Variants in LRRC72 observed in about 807,000 individuals in gnomAD.
LRRC72 encodes the protein leucine-rich repeat-containing protein 72.
A neutral mutation model predicts 35.8 loss-of-function variants in LRRC72; 41 were observed. The observed-to-expected ratio is 1.15, with a 90% CI of 0.89 to 1.49. The LOEUF is 1.49. Among genes scored for constraint, LRRC72 ranks in the 40% most tolerant of loss-of-function variants. The pLI, the probability that LRRC72 is intolerant of heterozygous loss-of-function variation, is 0.00. For synonymous variants in LRRC72, 118 were observed against 119.2 expected (o/e 0.99, Z 0.07); for missense variants, 389 against 330.7 (o/e 1.18, Z -1.37).
At chr7:16,527,292 G>A (rs889177886) in intron 1 of LRRC72, among the ~76,000 whole-genome samples, 1 of 152,172 alleles carries the variant, frequency 6.6e-6, no homozygotes, top group Non-Finnish European at 1.5e-5. Flanking sequence ...CTGGGCTAGA[G>A]GTCCTAATCC....
chr7:16,576,777 ATTTCC>A (rs1783048357), intron 7 of LRRC72, among the ~76,000 whole-genome samples: 1 of 152,182 alleles, frequency 6.6e-6, no homozygotes. Context: ...AAGCTGCCAG[ATTTCC>A]ACCATGTTTG....
chr7:16,556,881 G>A (rs528603158), intron 3 of LRRC72, among the ~76,000 whole-genome samples: 2 of 152,116 alleles, frequency 1.3e-5, no homozygotes, highest in Non-Finnish European at 2.9e-5. Context: ...AAATAATTTC[G>A]AGTGTACCAA....
At chr7:16,564,129 T>A (rs1163694000) in intron 5 of LRRC72, among the ~76,000 whole-genome samples, 2 of 152,200 alleles carry the variant, frequency 1.3e-5, no homozygotes, top group Non-Finnish European at 2.9e-5. Flanking sequence ...AAGATGTTGG[T>A]ATATTTTCCA....
chr7:16,541,115 G>C (rs1782349122), intron 3 of LRRC72, among the ~76,000 whole-genome samples: 1 of 152,114 alleles, frequency 6.6e-6, no homozygotes, highest in African/African-American at 2.4e-5. Flanking sequence ...TGGAATCAAA[G>C]CTTTATCCAA....
intron 7 of LRRC72, among the ~76,000 whole-genome samples, chr7:16,576,951 G>A (rs1480610446): frequency 6.6e-6 from 1 of 152,192 alleles, no homozygotes; most frequent in African/African-American, 2.4e-5. Flanking sequence ...ACCAAAGAGT[G>A]CACCAGTACA....
At chr7:16,535,268 T>C (rs1336043316) in intron 2 of LRRC72, among the ~76,000 whole-genome samples, 2 of 152,146 alleles carry the variant, frequency 1.3e-5, no homozygotes, top group East Asian at 3.9e-4. Flanking sequence ...TAATGGTACA[T>C]ATCAAAGAGA....
chr7:16,553,108 G>T (rs545649596), intron 3 of LRRC72, among the ~76,000 whole-genome samples: 1 of 151,962 alleles, frequency 6.6e-6, no homozygotes, highest in Non-Finnish European at 1.5e-5. Flanking sequence ...AAAATTTTTG[G>T]ATGCATTTTA....
intron 5 of LRRC72, among the ~76,000 whole-genome samples, chr7:16,559,763 T>C (rs1481197807): frequency 4.6e-5 from 7 of 151,830 alleles, no homozygotes; most frequent in Admixed American, 2.6e-4. Flanking sequence ...TGATAAAACA[T>C]ACTAAAATTG....
intron 1 of LRRC72, among the ~76,000 whole-genome samples, chr7:16,528,705 T>C (rs1225133686): frequency 6.6e-6 from 1 of 152,096 alleles, no homozygotes; most frequent in Non-Finnish European, 1.5e-5. Flanking sequence ...CCCATACACA[T>C]CACTGCTAGA....
chr7:16,559,883 CAA>C (rs776298752), intron 5 of LRRC72, among the ~76,000 whole-genome samples: 1 of 140,250 alleles, frequency 7.1e-6, no homozygotes, highest in Admixed American at 7.2e-5. Context: ...AAGCTGATAC[CAA>C]AAAAAAAAAA....
chr7:16,539,038 G>T (rs1180856329), intron 3 of LRRC72, among the ~76,000 whole-genome samples: 2 of 152,232 alleles, frequency 1.3e-5, no homozygotes, highest in Non-Finnish European at 2.9e-5. Flanking sequence ...TGAATATGTG[G>T]AAGTAACTTT....
intron 4 of LRRC72, 84 bp from the exon 5 acceptor site, chr7:16,558,805 T>G: frequency 1.3e-6 from 1 of 785,892 alleles, no homozygotes; most frequent in Non-Finnish European, 1.9e-6. Context: ...TAATTAGCAT[T>G]AAAAATGTTT....
chr7:16,529,811 ATATT>A lies in LRRC72; in HGVS notation c.91-2683_91-2680del, dbSNP rs1361634633. Among the ~76,000 whole-genome samples, 3 of 152,340 alleles carry A rather than the reference ATATT, an allele frequency of 2.0e-5. No homozygotes were observed. The East Asian group carries it at 5.8e-4, about 29-fold the overall frequency. ...TTTGAAATTTGATTTAAATTTTTAA[ATATT>A]CATTCTATGGCTAAAATTTTTAAAA... On this transcript the variant is annotated intron_variant, in intron 1 of 8. Coordinates refer to ENST00000401542, the MANE Select transcript of LRRC72 (RefSeq NM_001195280.2).
chr7:16,528,384 C>T (rs1246000080), intron 1 of LRRC72, among the ~76,000 whole-genome samples: 4 of 152,114 alleles, frequency 2.6e-5, no homozygotes, highest in Admixed American at 6.5e-5. Flanking sequence ...TGGTGGGCGC[C>T]TTGACCAGTC....
In LRRC72 at chr7:16,558,891, C is replaced by G; in HGVS notation, c.319C>G (p.Leu107Val). The G allele has an allele frequency of 7.0e-7, 1 of 1,420,546 alleles. No homozygotes were observed. Among genetic ancestry groups the G allele is most frequent in the African/African-American group, 1.5e-5 (1 of 68,896 alleles). The allele number at this position is 1,420,546 out of a possible 1,614,324, so 88.0% of individuals were successfully genotyped here. The change falls in exon 5 of 9, where the codon CTG becomes GTG. Residue 107 changes from leucine to valine, a missense_variant and splice_region_variant. Leu to Val is a conservative substitution (Grantham distance 32). Coordinates refer to ENST00000401542, the MANE Select transcript of LRRC72 (RefSeq NM_001195280.2). ...NNNAIFEIEG[L>V]HYLPSLHILL... ...TAAAAATATTCTGTTTTTTTTAGGTCTGCATTATTTGCCTTCATTGCATAT... is the reference window on the plus strand; with the variant it reads ...TAAAAATATTCTGTTTTTTTTAGGTGTGCATTATTTGCCTTCATTGCATAT...
intron 3 of LRRC72, among the ~76,000 whole-genome samples, chr7:16,551,160 G>A (rs1734778442): frequency 6.6e-6 from 1 of 152,156 alleles, no homozygotes; most frequent in African/African-American, 2.4e-5. Context: ...GACAGAGAGA[G>A]CCAGAGACTA....
chr7:16,562,022 G>A (rs1304473538), intron 5 of LRRC72, among the ~76,000 whole-genome samples: 3 of 152,132 alleles, frequency 2.0e-5, no homozygotes, highest in African/African-American at 4.8e-5. Context: ...AGGGCAAAAC[G>A]CTAATCCATT....
intron 1 of LRRC72, among the ~76,000 whole-genome samples, chr7:16,531,510 C>G (rs1299074789): frequency 1.3e-5 from 2 of 152,164 alleles, no homozygotes; most frequent in Non-Finnish European, 2.9e-5. Context: ...ATAGCAAAAC[C>G]ACTGTCAAAA....
At chr7:16,560,417 C>T (rs1782726091) in intron 5 of LRRC72, among the ~76,000 whole-genome samples, 1 of 152,140 alleles carries the variant, frequency 6.6e-6, no homozygotes, top group South Asian at 2.1e-4. Context: ...GTATTAAAAT[C>T]ACAAAATTAC....
Sources: allele counts gnomAD v4.1 joint callset (sites outside exome capture counted in the v4.1 genomes callset), GRCh38; gene constraint gnomAD v4.1.1; transcripts MANE v1.5; gene names NCBI Gene and HGNC (gene_info 2026-07-23, HGNC 2026-07-21).